The following GPM6A variants were observed in gnomAD, a reference collection of about 807,000 sequenced individuals.
The protein encoded by GPM6A is neuronal membrane glycoprotein M6-a.
Under a neutral mutation model 32.1 loss-of-function variants are expected in GPM6A, and 7 were observed. That is an observed-to-expected ratio of 0.22 (90% CI 0.12 to 0.41). The LOEUF is 0.41. Ranked by LOEUF, GPM6A falls within the 10% of genes least tolerant of loss-of-function variation. GPM6A has a pLI of 1.00. For synonymous variants in GPM6A, 130 were observed against 123.4 expected, an observed-to-expected ratio of 1.05 and a Z score of -0.35; for missense variants, 235 against 347.2, an observed-to-expected ratio of 0.68 and a Z score of 2.57.
intron 1 of GPM6A, among the ~76,000 whole-genome samples, chr4:175,751,831 A>C (rs753199578): frequency 2.5e-4 from 38 of 151,950 alleles, no homozygotes; most frequent in Non-Finnish European, 4.3e-4. Flanking sequence ...TTCATCATGG[A>C]GAGGAAAAAA....
At chr4:175,967,940 CAG>C (rs1404436314) in intron 1 of GPM6A, among the ~76,000 whole-genome samples, 1 of 151,838 alleles carries the variant, frequency 6.6e-6, no homozygotes, top group Non-Finnish European at 1.5e-5. Context: ...TGGAAAGAAA[CAG>C]AAAAAATACA....
chr4:175,880,414 T>G (rs1186641277), intron 1 of GPM6A, among the ~76,000 whole-genome samples: 1 of 152,226 alleles, frequency 6.6e-6, no homozygotes, highest in Non-Finnish European at 1.5e-5. Flanking sequence ...TTTTTTCCAA[T>G]TCTGTGAAGA....
intron 1 of GPM6A, among the ~76,000 whole-genome samples, chr4:175,848,990 A>G (rs1419204098): frequency 6.6e-6 from 1 of 152,170 alleles, no homozygotes; most frequent in Non-Finnish European, 1.5e-5. Context: ...TTAACAAGGA[A>G]ATGGTATTGA....
At chr4:175,914,155 A>C (rs190759009) in intron 1 of GPM6A, among the ~76,000 whole-genome samples, 5 of 148,830 alleles carry the variant, frequency 3.4e-5, no homozygotes, top group South Asian at 2.3e-4. Context: ...AGGAAAAAAA[A>C]ATGTGTGGGG....
intron 3 of GPM6A, chr4:175,654,245 C>T (rs754198283): frequency 3.0e-4 from 45 of 152,134 alleles, no homozygotes; most frequent in African/African-American, 1.1e-3. Context: ...CTAAATATCA[C>T]GTGCATTTAG....
intron 1 of GPM6A, among the ~76,000 whole-genome samples, chr4:175,952,643 T>G (rs138608950): frequency 3.1e-4 from 47 of 152,306 alleles, no homozygotes; most frequent in African/African-American, 1.0e-3. Context: ...CCTGAAAATT[T>G]TTGTAATACA....
At chr4:175,666,385 A>G (rs1485741442) in intron 3 of GPM6A, among the ~76,000 whole-genome samples, 2 of 152,236 alleles carry the variant, frequency 1.3e-5, no homozygotes, top group Non-Finnish European at 2.9e-5. Context: ...AAACAGAGAT[A>G]AAGAAATGGA....
chr4:175,932,201 G>A (rs949285984), intron 1 of GPM6A, among the ~76,000 whole-genome samples: 1 of 152,154 alleles, frequency 6.6e-6, no homozygotes, highest in Non-Finnish European at 1.5e-5. Flanking sequence ...CCAAAATGCA[G>A]GTGTTGCCAG....
intron 2 of GPM6A, among the ~76,000 whole-genome samples, chr4:175,680,594 C>T (rs2111005425): frequency 6.6e-6 from 1 of 152,226 alleles, no homozygotes; most frequent in Non-Finnish European, 1.5e-5. Context: ...CCATCTCATC[C>T]ATATTGACTT....
chr4:175,651,092 C>T (rs1173705841), intron 4 of GPM6A, among the ~76,000 whole-genome samples: 3 of 152,062 alleles, frequency 2.0e-5, no homozygotes, highest in Non-Finnish European at 2.9e-5. Flanking sequence ...CTGCGTTGCC[C>T]GTGTTTGAAT....
chr4:175,982,621 C>A (rs1465922717), intron 1 of GPM6A, among the ~76,000 whole-genome samples: 1 of 152,140 alleles, frequency 6.6e-6, no homozygotes, highest in African/African-American at 2.4e-5. Context: ...TATCCTCTCA[C>A]CAATGCCACA....
At chr4:175,887,070 CA>C (rs1260441314) in intron 1 of GPM6A, among the ~76,000 whole-genome samples, 1 of 151,588 alleles carries the variant, frequency 6.6e-6, no homozygotes, top group Non-Finnish European at 1.5e-5. Flanking sequence ...AAAAACAAGA[CA>C]AAAAGTTTAT....
intron 4 of GPM6A, among the ~76,000 whole-genome samples, chr4:175,650,270 T>TTTTA (rs140528336): frequency 0.039 from 5,623 of 142,966 alleles, 310 homozygotes; most frequent in African/African-American, 0.12. Flanking sequence ...GATTTCATTA[T>TTTTA]TTTATTTATT....
intron 1 of GPM6A, among the ~76,000 whole-genome samples, chr4:175,909,184 A>AGTAGTCATCAATGATTAT (rs1738236788): frequency 1.3e-5 from 2 of 152,146 alleles, no homozygotes; most frequent in Admixed American, 1.3e-4. Flanking sequence ...CCAATTAGCT[A>AGTAGTCATCAATGATTAT]GTAGTCATCA....
intron 1 of GPM6A, among the ~76,000 whole-genome samples, chr4:175,987,903 G>T (rs1690813910): frequency 6.6e-6 from 1 of 152,016 alleles, no homozygotes; most frequent in South Asian, 2.1e-4. Context: ...CCATTAACCT[G>T]ACTGAAAAAG....
At chr4:175,811,757 T>C (rs570041878) in intron 1 of GPM6A, 2 of 153,630 alleles carry the variant, frequency 1.3e-5, no homozygotes, top group East Asian at 3.8e-4. Context: ...TAATTAATGG[T>C]CTTGGTCTTT....
At chr4:175,747,535 C>T (rs1732158082) in intron 1 of GPM6A, among the ~76,000 whole-genome samples, 1 of 152,062 alleles carries the variant, frequency 6.6e-6, no homozygotes, top group South Asian at 2.1e-4. Context: ...TTTGAGTTCT[C>T]AGTGAATATG....
chr4:175,736,494 T>A lies in GPM6A; in HGVS notation c.38-34727A>T, dbSNP rs1731665582. Among the ~76,000 whole-genome samples the A allele has an allele frequency of 2.0e-5, 3 of 152,136 alleles. No individual in the cohort carries two copies. In the South Asian group the frequency reaches 6.2e-4, roughly 31 times the overall value. Reference sequence around the variant, plus strand: ...ATATTAACGATATCAAGGTTTTCTTTAAAAAAATTTGAAAATAATTGCAAT... The same window carrying A: ...ATATTAACGATATCAAGGTTTTCTTAAAAAAAATTTGAAAATAATTGCAAT... On this transcript the variant is annotated intron_variant, in intron 1 of 6. Transcript: ENST00000393658.
At chr4:175,701,138 G>T (rs1744853452) in intron 2 of GPM6A, among the ~76,000 whole-genome samples, 1 of 152,170 alleles carries the variant, frequency 6.6e-6, no homozygotes, top group African/African-American at 2.4e-5. Flanking sequence ...AACAGCAACA[G>T]TAAGATACCA....
Sources: allele counts gnomAD v4.1 joint callset (sites outside exome capture counted in the v4.1 genomes callset), GRCh38; gene constraint gnomAD v4.1.1; transcripts MANE v1.5; gene names NCBI Gene and HGNC (gene_info 2026-07-23, HGNC 2026-07-21).